KANSL1: variants seen among roughly 807,000 people sequenced by gnomAD.
The protein encoded by KANSL1 is MLL1/MLL complex subunit KANSL1.
KANSL1 carries 22 observed loss-of-function variants against 103.6 expected under a neutral mutation model. That is an observed-to-expected ratio of 0.21 (90% CI 0.15 to 0.30). KANSL1 has a LOEUF of 0.30. Ranked by LOEUF, KANSL1 falls within the 10% of genes least tolerant of loss-of-function variation. KANSL1 has a pLI of 1.00. For synonymous variants in KANSL1, 600 were observed against 527.6 expected, an observed-to-expected ratio of 1.14 and a Z score of -1.88; for missense variants, 1,337 against 1,399.8, an observed-to-expected ratio of 0.96 and a Z score of 0.72.
intron 2 of KANSL1, among the ~76,000 whole-genome samples, chr17:46,114,115 C>T (rs182566184): frequency 7.9e-4 from 121 of 152,330 alleles, no homozygotes; most frequent in Admixed American, 1.4e-3. Flanking sequence ...AATCCCAGCA[C>T]AATGGGAGGC....
At chr17:46,097,203 C>T (rs561019002) in intron 2 of KANSL1, among the ~76,000 whole-genome samples, 6 of 152,204 alleles carry the variant, frequency 3.9e-5, no homozygotes, top group Admixed American at 6.5e-5. Context: ...TAAAAATAAA[C>T]GACATCTGTA....
intron 4 of KANSL1, among the ~76,000 whole-genome samples, chr17:46,073,904 A>T (rs2078665982): frequency 6.6e-6 from 1 of 152,134 alleles, no homozygotes; most frequent in Non-Finnish European, 1.5e-5. Context: ...AACGAGTATC[A>T]ATAAGGAAGG....
At position 46,030,370 on chromosome 17, in the gene KANSL1, G is replaced by C. The variant is rs1387559131; in HGVS notation, c.*1106C>G. ...ACTATTTTTATACGATTACAAAATG[G>C]CCAAAAAAAAAGAGTCTTCTCCCCC... On this transcript the variant is annotated 3_prime_UTR_variant, in exon 15 of 15. Coordinates refer to ENST00000432791, the MANE Select transcript of KANSL1 (RefSeq NM_015443.4). 1.3e-5 allele frequency: 2 copies of C among 150,816 alleles called. No individual in the cohort carries two copies. Among genetic ancestry groups the C allele is most frequent in the Non-Finnish European group, 3.0e-5 (2 of 67,640 alleles). The allele number at this position is 150,816 out of a possible 1,614,324, so 9.3% of individuals were successfully genotyped here.
intron 1 of KANSL1, among the ~76,000 whole-genome samples, chr17:46,220,300 T>G (rs1225611238): frequency 1.3e-5 from 2 of 151,108 alleles, no homozygotes; most frequent in East Asian, 4.1e-4. Context: ...CACTGTAAAC[T>G]CCGCCTCCCG....
chr17:46,122,359 G>A (rs1192038291), intron 2 of KANSL1, among the ~76,000 whole-genome samples: 1 of 152,178 alleles, frequency 6.6e-6, no homozygotes, highest in Non-Finnish European at 1.5e-5. Flanking sequence ...ACAGATCTAT[G>A]GGTAGGACAC....
intron 2 of KANSL1, among the ~76,000 whole-genome samples, chr17:46,119,317 C>T (rs1041253882): frequency 1.1e-5 from 1 of 92,430 alleles, no homozygotes; most frequent in African/African-American, 3.7e-5. Context: ...CCTCAATTTT[C>T]TTTTTCTTTT....
chr17:46,174,932 A>C (rs2046448840), intron 1 of KANSL1, among the ~76,000 whole-genome samples: 1 of 152,226 alleles, frequency 6.6e-6, no homozygotes, highest in Non-Finnish European at 1.5e-5. Flanking sequence ...CTGGGATTAT[A>C]GGCATAAGCC....
chr17:46,203,331 T>C (rs2732674), intron 1 of KANSL1, among the ~76,000 whole-genome samples: 18,677 of 150,278 alleles, frequency 0.12, 22 homozygotes, highest in Middle Eastern at 0.19. Flanking sequence ...TACCAAAATA[T>C]GACCATGCTT....
chr17:46,136,669 C>T (rs1345733617), intron 2 of KANSL1, among the ~76,000 whole-genome samples: 2 of 152,068 alleles, frequency 1.3e-5, no homozygotes, highest in Non-Finnish European at 2.9e-5. Flanking sequence ...CAAAAAAGTT[C>T]CATGAAGATT....
chr17:46,213,901 G>C (rs1463194325), intron 1 of KANSL1, among the ~76,000 whole-genome samples: 2 of 151,602 alleles, frequency 1.3e-5, no homozygotes, highest in Non-Finnish European at 2.9e-5. Flanking sequence ...CTGGGCAACA[G>C]AGTGAGACTC....
intron 11 of KANSL1, 115 bp downstream of exon 11, chr17:46,034,046 C>T: frequency 7.7e-7 from 1 of 1,291,994 alleles, no homozygotes; most frequent in Non-Finnish European, 1.1e-6. Flanking sequence ...AAGAATTTCT[C>T]TTAATGAGAA....
chr17:46,160,467 T>TC (rs2045673680), intron 2 of KANSL1, among the ~76,000 whole-genome samples: 1 of 152,012 alleles, frequency 6.6e-6, no homozygotes, highest in Non-Finnish European at 1.5e-5. Context: ...GCCTGGCTAC[T>TC]TTTTTTTGTA....
intron 7 of KANSL1, chr17:46,040,245 T>C (rs1568376162): frequency 7.7e-6 from 2 of 258,716 alleles, no homozygotes; most frequent in African/African-American, 4.5e-5. Flanking sequence ...TCTATCAATA[T>C]AAAGTTAATC....
chr17:46,107,952 A>G (rs1270648314), intron 2 of KANSL1, among the ~76,000 whole-genome samples: 2 of 152,194 alleles, frequency 1.3e-5, no homozygotes, highest in Non-Finnish European at 2.9e-5. Flanking sequence ...TATATCCAGT[A>G]TTCAGCCACT....
chr17:46,139,364 T>G (rs1294465382), intron 2 of KANSL1, among the ~76,000 whole-genome samples: 1 of 152,206 alleles, frequency 6.6e-6, no homozygotes, highest in Non-Finnish European at 1.5e-5. Context: ...ATTAAATACT[T>G]GCTCTCACTG....
Position 46,038,667 on chromosome 17 carries a change from G to T in KANSL1, c.2412C>A (p.Asp804Glu). The change falls in exon 10 of 15, where the codon GAC becomes GAA. Residue 804 changes from aspartate to glutamate, a missense_variant. By Grantham distance (45) the Asp-to-Glu change is conservative (BLOSUM62 2). Coordinates refer to ENST00000432791, the MANE Select transcript of KANSL1 (RefSeq NM_015443.4). ...ERSEVLKHHTDMSSSSYLAAT... is the reference protein window; with the variant it reads ...ERSEVLKHHTEMSSSSYLAAT... ...CTGCCAAGTAGCTCGAACTGCTCATGTCTGTGTGATGCTTCAACACTGCAG... is the reference window on the plus strand; with the variant it reads ...CTGCCAAGTAGCTCGAACTGCTCATTTCTGTGTGATGCTTCAACACTGCAG... The T allele has an allele frequency of 6.2e-7, 1 of 1,614,172 alleles. No individual in the cohort carries two copies. Among genetic ancestry groups the T allele is most frequent in the Non-Finnish European group, 8.5e-7 (1 of 1,180,044 alleles).
chr17:46,066,073 G>A (rs1051985614), intron 6 of KANSL1, among the ~76,000 whole-genome samples: 4 of 152,096 alleles, frequency 2.6e-5, no homozygotes, highest in Admixed American at 6.5e-5. Context: ...TTCCAGGCTG[G>A]TATTCAATTC....
intron 3 of KANSL1, among the ~76,000 whole-genome samples, chr17:46,091,812 A>AGTATGTATGTATGTAGGTAT (rs1555757365): frequency 1.5e-3 from 222 of 151,624 alleles, no homozygotes; most frequent in Non-Finnish European, 2.1e-3. Context: ...TATATATGTA[A>AGTATGTATGTATGTAGGTAT]GTATGTATGT....
chr17:46,181,071 T>C (rs1374025494), intron 1 of KANSL1, among the ~76,000 whole-genome samples: 1 of 152,112 alleles, frequency 6.6e-6, no homozygotes, highest in Non-Finnish European at 1.5e-5. Flanking sequence ...CAATGAGAAC[T>C]TCAACCAGAA....
Sources: allele counts gnomAD v4.1 joint callset (sites outside exome capture counted in the v4.1 genomes callset), GRCh38; gene constraint gnomAD v4.1.1; transcripts MANE v1.5; gene names NCBI Gene and HGNC (gene_info 2026-07-23, HGNC 2026-07-21).